The following PCDHGB7 variants were observed in gnomAD, a reference collection of about 807,000 sequenced individuals.
The protein encoded by PCDHGB7 is protocadherin gamma-B7.
A neutral mutation model predicts 61.4 loss-of-function variants in PCDHGB7; 37 were observed. The observed-to-expected ratio is 0.60, with a 90% confidence interval of 0.46 to 0.79. The LOEUF is 0.79. Ranked by LOEUF, PCDHGB7 falls within the 30% of genes least tolerant of loss-of-function variation. PCDHGB7 has a pLI of 0.00. For missense variants in PCDHGB7, 1,166 were observed against 1,202.5 expected (o/e 0.97, Z 0.45); for synonymous variants, 464 against 503.5 (o/e 0.92, Z 1.05).
At chr5:141,422,576 C>T in intron 1 of PCDHGB7, 1 of 1,614,034 alleles carries the variant, frequency 6.2e-7, no homozygotes, top group South Asian at 1.1e-5. Context: ...AACGATAACC[C>T]TCCCGTTTTT....
At chr5:141,471,743 C>T (rs769600930) in intron 1 of PCDHGB7, among the ~76,000 whole-genome samples, 2 of 152,142 alleles carry the variant, frequency 1.3e-5, no homozygotes, top group Non-Finnish European at 2.9e-5. Flanking sequence ...GGAGACATAA[C>T]ATATTTGAGG....
rs763303627 is a variant in PCDHGB7 at position 141,489,719 on chromosome 5, C to T, written c.2416-5088C>T. The T allele has an allele frequency of 1.4e-5, 22 of 1,613,946 alleles. No homozygotes were observed. The highest frequency in any genetic ancestry group is 9.3e-5 in the African/African-American group (7 of 74,924). On this transcript the variant is annotated intron_variant, in intron 1 of 3. Coordinates refer to ENST00000398594, the MANE Select transcript of PCDHGB7 (RefSeq NM_018927.4). The surrounding 1 kb of genome is among the most constrained non-coding windows in gnomAD (Gnocchi z 4.5). ...TTCCCACTGGACAGTGCCCAGGATCCGGATGTGGGCACCAATACTGTGAGC... is the reference window on the plus strand; with the variant it reads ...TTCCCACTGGACAGTGCCCAGGATCTGGATGTGGGCACCAATACTGTGAGC...
chr5:141,451,536 G>A (rs1183287437), intron 1 of PCDHGB7, among the ~76,000 whole-genome samples: 1 of 152,202 alleles, frequency 6.6e-6, no homozygotes, highest in Non-Finnish European at 1.5e-5. Context: ...GAGAGTGCCA[G>A]AGAGGGCAAA....
intron 3 of PCDHGB7, among the ~76,000 whole-genome samples, chr5:141,509,440 C>T (rs1036780108): frequency 2.0e-5 from 3 of 152,158 alleles, no homozygotes; most frequent in Non-Finnish European, 4.4e-5. Flanking sequence ...CTTGTTTCCT[C>T]CTCTCCCACC....
intron 1 of PCDHGB7, chr5:141,421,032 C>A: frequency 1.9e-6 from 1 of 533,288 alleles, no homozygotes; most frequent in Non-Finnish European, 3.3e-6. Flanking sequence ...GCCATTGAGT[C>A]CCTCCCTCCC....
intron 1 of PCDHGB7, among the ~76,000 whole-genome samples, chr5:141,445,978 TTATAAA>T (rs551337386): frequency 6.6e-6 from 1 of 152,272 alleles, no homozygotes; most frequent in East Asian, 1.9e-4. Context: ...TTTATGAGGG[TTATAAA>T]TAGAAATAGG....
rs2099417434 is a variant in PCDHGB7, at chr5:141,477,762, C to T, written c.2416-17045C>T. 1 of 1,613,968 alleles carries T rather than the reference C, an allele frequency of 6.2e-7. No homozygotes were observed. The highest frequency in any genetic ancestry group is 8.5e-7 in the Non-Finnish European group (1 of 1,180,032). On this transcript the variant is annotated intron_variant, in intron 1 of 3. Transcript: ENST00000398594. This position sits in a 1 kb window ranked among gnomAD's most constrained non-coding sequence, Gnocchi z 4.9. ...GATGGGGGCACCCCGGTCCTAGCCA[C>T]CAACATCAGCGTGAACATATTTGTC...
At chr5:141,423,003 G>A (rs779233337) in intron 1 of PCDHGB7, 1 of 1,614,208 alleles carries the variant, frequency 6.2e-7, no homozygotes, top group African/African-American at 1.3e-5. Flanking sequence ...TGACCAAGGT[G>A]GTTGCGGTGG....
intron 1 of PCDHGB7, among the ~76,000 whole-genome samples, chr5:141,447,954 CGGACACCTA>C (rs2098556369): frequency 6.6e-6 from 1 of 151,814 alleles, no homozygotes; most frequent in Non-Finnish European, 1.5e-5. Context: ...GGCATGGTGG[CGGACACCTA>C]TAATCCCAGC....
chr5:141,478,336 C>T, intron 1 of PCDHGB7: 2 of 1,613,950 alleles, frequency 1.2e-6, no homozygotes, highest in South Asian at 2.2e-5. Context: ...CACCAGGGCC[C>T]TCCTTGCACG....
At chr5:141,433,358 CCTATCTATCTATCTATCTAT>C (rs3074541) in intron 1 of PCDHGB7, 19 of 503,934 alleles carry the variant, frequency 3.8e-5, no homozygotes, top group South Asian at 2.3e-4. Flanking sequence ...CTACTGTCTG[CCTATCTATCTATCTATCTAT>C]CTATCTATCT....
chr5:141,469,880 C>T (rs774827232), intron 1 of PCDHGB7, among the ~76,000 whole-genome samples: 7 of 152,210 alleles, frequency 4.6e-5, no homozygotes, highest in East Asian at 1.9e-4. Flanking sequence ...CCTGTAATCT[C>T]GGCACTTTGG....
At chr5:141,443,844 G>T (rs976057583) in intron 1 of PCDHGB7, among the ~76,000 whole-genome samples, 1 of 152,130 alleles carries the variant, frequency 6.6e-6, no homozygotes, top group African/African-American at 2.4e-5. Flanking sequence ...GGGTAATATG[G>T]AAAGTCTGAA....
chr5:141,449,688 T>G (rs951233495), intron 1 of PCDHGB7, among the ~76,000 whole-genome samples: 2 of 151,772 alleles, frequency 1.3e-5, no homozygotes, highest in African/African-American at 4.8e-5. Context: ...TATGTTTGTG[T>G]GTATGTACAC....
At chr5:141,498,588 A>G (rs1326073516) in intron 2 of PCDHGB7, among the ~76,000 whole-genome samples, 1 of 152,082 alleles carries the variant, frequency 6.6e-6, no homozygotes, top group Non-Finnish European at 1.5e-5. Context: ...GTTCTTCAGT[A>G]AACTTGGTTC....
At chr5:141,429,801 C>T (rs2097245893) in intron 1 of PCDHGB7, among the ~76,000 whole-genome samples, 1 of 152,104 alleles carries the variant, frequency 6.6e-6, no homozygotes, top group African/African-American at 2.4e-5. Flanking sequence ...CAGTAATTCT[C>T]AGTAATTACA....
In PCDHGB7 at chr5:141,477,147, A is replaced by G. The variant is rs1195888163; in HGVS notation, c.2416-17660A>G. On this transcript the variant is annotated intron_variant, in intron 1 of 3. Coordinates refer to ENST00000398594, the MANE Select transcript of PCDHGB7 (RefSeq NM_018927.4). The surrounding 1 kb of genome is among the most constrained non-coding windows in gnomAD (Gnocchi z 4.9). The stretch of plus-strand genomic sequence containing the variant: ...TGCAAAGTGTTGGTGGAGGTTGTGG[A>G]TGTGAATGACAACGCCCCGGAGATC... 2 of 1,614,168 alleles carry G rather than the reference A, an allele frequency of 1.2e-6. No individual in the cohort carries two copies. The highest frequency in any genetic ancestry group is 1.1e-5 in the South Asian group (1 of 91,080).
At chr5:141,454,471 A>C (rs774315258) in intron 1 of PCDHGB7, among the ~76,000 whole-genome samples, 7 of 152,198 alleles carry the variant, frequency 4.6e-5, no homozygotes, top group Non-Finnish European at 7.3e-5. Context: ...CAATGGCATG[A>C]TCTCAGCTCA....
intron 1 of PCDHGB7, among the ~76,000 whole-genome samples, chr5:141,474,143 TATC>T (rs1371874237): frequency 1.3e-5 from 2 of 152,188 alleles, no homozygotes; most frequent in Non-Finnish European, 2.9e-5. Context: ...CAGGCCTTAT[TATC>T]AAGAAAATGA....
Sources: allele counts gnomAD v4.1 joint callset (sites outside exome capture counted in the v4.1 genomes callset), GRCh38; gene constraint gnomAD v4.1.1; non-coding constraint Gnocchi (gnomAD v3.1); transcripts MANE v1.5; gene names NCBI Gene and HGNC (gene_info 2026-07-23, HGNC 2026-07-21).